Variants in PRICKLE1 observed in about 807,000 individuals in gnomAD.
PRICKLE1 encodes prickle planar cell polarity protein 1.
PRICKLE1 carries 14 observed loss-of-function variants against 70.2 expected under a neutral mutation model. The observed-to-expected ratio is 0.20, with a 90% CI of 0.13 to 0.31. The LOEUF (loss-of-function observed/expected upper bound fraction) is 0.31, where lower values mean the gene tolerates loss of function less well. PRICKLE1 is among the 10% of genes least tolerant of loss of function. The pLI is 1.00. For synonymous variants in PRICKLE1, 357 were observed against 379.9 expected, an observed-to-expected ratio of 0.94 and a Z score of 0.70; for missense variants, 821 against 1,026.2, an observed-to-expected ratio of 0.80 and a Z score of 2.73.
At chr12:42,489,044 C>T (rs2140168202) in intron 1 of PRICKLE1, among the ~76,000 whole-genome samples, 1 of 151,864 alleles carries the variant, frequency 6.6e-6, no homozygotes, top group African/African-American at 2.4e-5. Context: ...CTGCCTCAGC[C>T]TCCTGAGTAG....
intron 1 of PRICKLE1, among the ~76,000 whole-genome samples, chr12:42,513,619 T>C (rs1174920801): frequency 6.6e-6 from 1 of 152,070 alleles, no homozygotes; most frequent in African/African-American, 2.4e-5. Flanking sequence ...ATTCACTGTC[T>C]ACTCCCTCTA....
At chr12:42,552,260 GT>G (rs1407821717) in intron 1 of PRICKLE1, among the ~76,000 whole-genome samples, 1 of 151,848 alleles carries the variant, frequency 6.6e-6, no homozygotes, top group Non-Finnish European at 1.5e-5. Flanking sequence ...TAGAGACAGG[GT>G]TTTGCCATGT....
chr12:42,577,447 G>C (rs1940821718), intron 1 of PRICKLE1, among the ~76,000 whole-genome samples: 1 of 151,940 alleles, frequency 6.6e-6, no homozygotes, highest in Non-Finnish European at 1.5e-5. Context: ...AATAAATAAG[G>C]CTATAAGTTG....
rs1483431136 is a variant in PRICKLE1, at chr12:42,477,480, GTGTATATATATATATA to G, written c.-48-4932_-48-4917del. 8.5e-3 allele frequency among the ~76,000 whole-genome samples: 584 copies of G among 69,026 alleles called. 4 individuals are homozygous for G. The highest frequency in any genetic ancestry group is 0.017 in the Admixed American group (111 of 6,650). 45.3% of individuals were successfully genotyped at this position (69,026 alleles called of 152,430 possible). A position where few individuals can be genotyped will look rare whatever the true frequency, so the allele number is the denominator to read the frequency against. ...TACGTATATATGTGTGTGTGTGTGT[GTGTATATATATATATA>G]TATATATATATATATATATATATAT... On this transcript the variant is annotated intron_variant, in intron 1 of 7. Transcript: ENST00000345127.
At chr12:42,563,344 A>G (rs780969789) in intron 1 of PRICKLE1, among the ~76,000 whole-genome samples, 115 of 151,976 alleles carry the variant, frequency 7.6e-4, no homozygotes, top group Admixed American at 5.9e-4. Context: ...ATACTGGAGT[A>G]TTTTTTAAAT....
At chr12:42,542,369 G>A (rs562069848) in intron 1 of PRICKLE1, among the ~76,000 whole-genome samples, 3 of 151,684 alleles carry the variant, frequency 2.0e-5, no homozygotes, top group East Asian at 1.9e-4. Context: ...TTTATTTTGC[G>A]GCCAGGCACG....
chr12:42,538,733 T>C (rs147745685), intron 1 of PRICKLE1, among the ~76,000 whole-genome samples: 7 of 152,352 alleles, frequency 4.6e-5, no homozygotes, highest in Non-Finnish European at 8.8e-5. Flanking sequence ...CCACATATTA[T>C]TGCTCTTCAC....
chr12:42,495,748 C>T (rs1238423641), intron 1 of PRICKLE1, among the ~76,000 whole-genome samples: 1 of 150,996 alleles, frequency 6.6e-6, no homozygotes, highest in Non-Finnish European at 1.5e-5. Context: ...GCCACCACGC[C>T]CTGCTAATTT....
intron 1 of PRICKLE1, among the ~76,000 whole-genome samples, chr12:42,511,033 G>A (rs144362386): frequency 6.6e-6 from 1 of 152,326 alleles, no homozygotes; most frequent in East Asian, 1.9e-4. Flanking sequence ...TTCAAAAGAA[G>A]CAGGCCCAGC....
chr12:42,553,455 A>AC (rs1196493112), intron 1 of PRICKLE1, among the ~76,000 whole-genome samples: 2 of 119,132 alleles, frequency 1.7e-5, no homozygotes, highest in Non-Finnish European at 3.2e-5. Flanking sequence ...AAAAAAAAAA[A>AC]ACTGTTTTTC....
At chr12:42,474,880 T>A (rs1188741299) in intron 1 of PRICKLE1, among the ~76,000 whole-genome samples, 2 of 152,164 alleles carry the variant, frequency 1.3e-5, no homozygotes, top group Non-Finnish European at 2.9e-5. Context: ...AAATAGAACC[T>A]AAAAATTAAA....
Position 42,491,223 on chromosome 12 carries a change from G to T in PRICKLE1, c.-48-18659C>A, listed in dbSNP as rs149652931. Among the ~76,000 whole-genome samples, 1,179 of 151,624 alleles carry T rather than the reference G, an allele frequency of 7.8e-3. 10 individuals are homozygous for T. Among genetic ancestry groups the T allele is most frequent in the Non-Finnish European group, 0.011 (775 of 67,914 alleles). ...TGTTGATATTCACCTTTAAAATAGA[G>T]TATTTAAAAATATTACACTATTTAC... On this transcript the variant is annotated intron_variant, in intron 1 of 7. Coordinates refer to ENST00000345127, the MANE Select transcript of PRICKLE1 (RefSeq NM_153026.3).
intron 1 of PRICKLE1, among the ~76,000 whole-genome samples, chr12:42,581,564 T>C (rs1940900442): frequency 1.3e-5 from 2 of 151,930 alleles, no homozygotes; most frequent in Non-Finnish European, 1.5e-5. Flanking sequence ...GGTCAACACA[T>C]GGTGAAACCC....
chr12:42,580,289 C>T (rs1170280901), intron 1 of PRICKLE1, among the ~76,000 whole-genome samples: 1 of 152,122 alleles, frequency 6.6e-6, no homozygotes, highest in Non-Finnish European at 1.5e-5. Context: ...AGTGAGGAAA[C>T]ATAGGATCAA....
chr12:42,470,131 G>A, intron 3 of PRICKLE1, 115 bp downstream of exon 3: 1 of 763,522 alleles, frequency 1.3e-6, no homozygotes, highest in Non-Finnish European at 2.3e-6. Flanking sequence ...TTTAACTAAA[G>A]AAAGGCAAAA....
chr12:42,506,526 G>A (rs1566106068), intron 1 of PRICKLE1, among the ~76,000 whole-genome samples: 1 of 148,442 alleles, frequency 6.7e-6, no homozygotes, highest in Non-Finnish European at 1.5e-5. Context: ...CAAAGTGTTG[G>A]GATTACAGAC....
At chr12:42,519,670 G>A (rs908125706) in intron 1 of PRICKLE1, among the ~76,000 whole-genome samples, 2 of 152,222 alleles carry the variant, frequency 1.3e-5, no homozygotes, top group African/African-American at 4.8e-5. Flanking sequence ...GTGGATGAAT[G>A]CTTACACAAA....
intron 1 of PRICKLE1, among the ~76,000 whole-genome samples, chr12:42,552,265 G>T (rs1354403712): frequency 3.3e-5 from 5 of 151,842 alleles, no homozygotes; most frequent in African/African-American, 9.7e-5. Context: ...ACAGGGTTTT[G>T]CCATGTTGCC....
intron 1 of PRICKLE1, among the ~76,000 whole-genome samples, chr12:42,556,858 A>T (rs1940420816): frequency 6.6e-6 from 1 of 152,208 alleles, no homozygotes; most frequent in Non-Finnish European, 1.5e-5. Context: ...TTTGCTCAAC[A>T]ATTATTTCTG....
Sources: gnomAD v4.1 joint callset for allele counts (sites outside exome capture counted in the v4.1 genomes callset) on GRCh38, gnomAD v4.1.1 for gene constraint, MANE v1.5 for transcripts, NCBI Gene and HGNC (gene_info 2026-07-23, HGNC 2026-07-21) for gene names.